The following GRID2 variants were observed in gnomAD, a reference collection of about 807,000 sequenced individuals.
The protein encoded by GRID2 is glutamate ionotropic receptor delta type subunit 2, also known as glutamate receptor ionotropic, delta-2.
In GRID2, 33 loss-of-function variants were observed where a neutral mutation model predicts 114.8. The ratio of observed to expected loss-of-function variants is 0.29; its 90% CI spans 0.22 to 0.38. The LOEUF is 0.38. Among genes scored for constraint, GRID2 ranks in the 10% least tolerant of loss-of-function variants. The pLI, the probability that GRID2 is intolerant of heterozygous loss-of-function variation, is 1.00. For missense variants in GRID2, 1,184 were observed against 1,257.7 expected (o/e 0.94, Z 0.89); for synonymous variants, 505 against 449.9 (o/e 1.12, Z -1.55).
chr4:92,499,741 A>T (rs760920449), intron 1 of GRID2, among the ~76,000 whole-genome samples: 1 of 152,100 alleles, frequency 6.6e-6, no homozygotes, highest in Non-Finnish European at 1.5e-5. Flanking sequence ...CAGCCTCCCA[A>T]GTAGCTGGAA....
chr4:93,776,973 C>G (rs180893816), downstream of GRID2, among the ~76,000 whole-genome samples: 7 of 152,290 alleles, frequency 4.6e-5, no homozygotes, highest in East Asian at 1.2e-3. Flanking sequence ...CTCAACAGGA[C>G]AAAACATAGT....
chr4:93,115,092 TTGTGTGTGTGTGTG>T (rs546827152), intron 4 of GRID2, among the ~76,000 whole-genome samples: 1 of 142,692 alleles, frequency 7.0e-6, no homozygotes, highest in Admixed American at 7.1e-5. Context: ...CTGTGTGTGC[TTGTGTGTGTGTGTG>T]TGTGTGTGTG....
intron 13 of GRID2, among the ~76,000 whole-genome samples, chr4:93,599,076 C>T (rs928138295): frequency 2.0e-5 from 3 of 152,088 alleles, no homozygotes; most frequent in African/African-American, 7.2e-5. Context: ...ACTTCCAACT[C>T]GATTCTAGGA....
At chr4:92,426,054 A>G (rs948603448) in intron 1 of GRID2, among the ~76,000 whole-genome samples, 1 of 152,086 alleles carries the variant, frequency 6.6e-6, no homozygotes, top group African/African-American at 2.4e-5. Flanking sequence ...CAACTGCTGT[A>G]TGCATAGTAC....
At chr4:93,682,284 G>T (rs1219950370) in intron 14 of GRID2, among the ~76,000 whole-genome samples, 1 of 149,264 alleles carries the variant, frequency 6.7e-6, no homozygotes, top group Non-Finnish European at 1.5e-5. Flanking sequence ...GGAAACAACA[G>T]GTGCTGGAGA....
Position 93,283,228 on chromosome 4 carries a change from T to C in GRID2, c.1245+44738T>C, listed in dbSNP as rs899479498. 2.0e-5 allele frequency among the ~76,000 whole-genome samples: 3 copies of C among 152,110 alleles called. No homozygotes were observed. In the East Asian group the frequency reaches 5.8e-4, roughly 29 times the overall value. On this transcript the variant is annotated intron_variant, in intron 8 of 15. Transcript: ENST00000282020. ...GTATATGAGAAGGGAAAGGATGCTA[T>C]CTTAAATGTTATGTACTGTTTCATT...
At position 93,560,222 on chromosome 4, in the gene GRID2, T is replaced by TAAA. The variant is rs70942974; in HGVS notation, c.2193+44840_2193+44842dup. On this transcript the variant is annotated intron_variant, in intron 13 of 15. Transcript: ENST00000282020. ...TACGCATGTATTCCAGAACTTAAAGTAAAAAAAAAAAAAAAAAAAAAAAAA... is the reference window on the plus strand; with the variant it reads ...TACGCATGTATTCCAGAACTTAAAGTAAAAAAAAAAAAAAAAAAAAAAAAAAAA... 5.4e-3 allele frequency among the ~76,000 whole-genome samples: 234 copies of TAAA among 42,962 alleles called. 13 individuals carry two copies. The highest frequency in any genetic ancestry group is 0.026 in the Middle Eastern group (1 of 38). 28.2% of individuals were successfully genotyped at this position (42,962 alleles called of 152,430 possible).
At chr4:93,417,878 T>C (rs2149361272) in intron 9 of GRID2, among the ~76,000 whole-genome samples, 1 of 151,676 alleles carries the variant, frequency 6.6e-6, no homozygotes, top group Non-Finnish European at 1.5e-5. Context: ...GATTTTTAGA[T>C]TGTTTCCACA....
At chr4:93,560,219 A>C (rs1377635890) in intron 13 of GRID2, among the ~76,000 whole-genome samples, 1 of 129,824 alleles carries the variant, frequency 7.7e-6, no homozygotes, top group Non-Finnish European at 1.6e-5. Flanking sequence ...CCAGAACTTA[A>C]AGTAAAAAAA....
chr4:92,721,370 C>T (rs1266115598), intron 2 of GRID2, among the ~76,000 whole-genome samples: 2 of 151,838 alleles, frequency 1.3e-5, no homozygotes, highest in Admixed American at 1.3e-4. Context: ...TACATGAATC[C>T]AAATAAATCA....
chr4:93,434,221 G>A (rs1370321387), intron 10 of GRID2, among the ~76,000 whole-genome samples: 3 of 152,172 alleles, frequency 2.0e-5, no homozygotes, highest in African/African-American at 7.2e-5. Flanking sequence ...TTTTAAAAAT[G>A]TAACAGATCC....
chr4:92,700,121 T>A lies in GRID2; in HGVS notation c.244+109835T>A, dbSNP rs928436927. ...TACATGGAAAAAAATACTTGAAGCA[T>A]CCACAAATCGAAACTCAGCTGGGTT... is the stretch of plus-strand genomic sequence containing the variant. On this transcript the variant is annotated intron_variant, in intron 2 of 15. Coordinates refer to ENST00000282020, the MANE Select transcript of GRID2 (RefSeq NM_001510.4). Among the ~76,000 whole-genome samples, 3 of 152,288 alleles carry A rather than the reference T, an allele frequency of 2.0e-5. No individual in the cohort carries two copies. In the East Asian group the frequency reaches 5.8e-4, roughly 29 times the overall value.
At chr4:93,436,403 G>A (rs1721090193) in intron 10 of GRID2, among the ~76,000 whole-genome samples, 1 of 152,108 alleles carries the variant, frequency 6.6e-6, no homozygotes, top group Non-Finnish European at 1.5e-5. Flanking sequence ...GTGTTCAAGA[G>A]GAGGCAGTGT....
At chr4:93,112,962 A>G (rs975228287) in intron 4 of GRID2, among the ~76,000 whole-genome samples, 2 of 152,140 alleles carry the variant, frequency 1.3e-5, no homozygotes, top group Non-Finnish European at 2.9e-5. Context: ...TAAAGACCTT[A>G]TCTCCAATAA....
At chr4:93,550,968 T>C (rs1733698418) in intron 13 of GRID2, among the ~76,000 whole-genome samples, 2 of 152,164 alleles carry the variant, frequency 1.3e-5, no homozygotes, top group South Asian at 4.1e-4. Context: ...AGAGCCACAC[T>C]TACTGGATTT....
rs148127761 is a variant in GRID2 at position 92,988,484 on chromosome 4, C to T, written c.245-96511C>T. 5.1e-3 allele frequency among the ~76,000 whole-genome samples: 771 copies of T among 152,200 alleles called. 1 individual carries two copies. The highest frequency in any genetic ancestry group is 0.018 in the African/African-American group (736 of 41,534). ...GTAATCTAATCTTGGAAGTGGCATC[C>T]CTTATTTCTGCTATATTTTATCCAT... On this transcript the variant is annotated intron_variant, in intron 2 of 15. Transcript: ENST00000282020.
At chr4:93,485,445 C>A (rs567895179) in intron 11 of GRID2, among the ~76,000 whole-genome samples, 1 of 151,622 alleles carries the variant, frequency 6.6e-6, no homozygotes, top group East Asian at 2.0e-4. Flanking sequence ...TTTAATAAAT[C>A]CTTTTCTACC....
chr4:92,310,446 G>A (rs1725635943), intron 1 of GRID2, among the ~76,000 whole-genome samples: 1 of 151,868 alleles, frequency 6.6e-6, no homozygotes, highest in Non-Finnish European at 1.5e-5. Flanking sequence ...TAAATGATTA[G>A]ACAGATGTCT....
chr4:92,325,192 A>G (rs1387171602), intron 1 of GRID2, among the ~76,000 whole-genome samples: 1 of 151,954 alleles, frequency 6.6e-6, no homozygotes, highest in African/African-American at 2.4e-5. Context: ...CTCAGCTCAA[A>G]TGCCATTTTA....
Sources: allele counts gnomAD v4.1 joint callset (sites outside exome capture counted in the v4.1 genomes callset), GRCh38; gene constraint gnomAD v4.1.1; transcripts MANE v1.5; gene names NCBI Gene and HGNC (gene_info 2026-07-23, HGNC 2026-07-21).